SLC4A10: variants seen among roughly 807,000 people sequenced by gnomAD.
The protein encoded by SLC4A10 is sodium-driven chloride bicarbonate exchanger.
SLC4A10 carries 42 observed loss-of-function variants against 137.7 expected under a neutral mutation model. The observed-to-expected ratio is 0.30, with a 90% CI of 0.24 to 0.39. SLC4A10 has a LOEUF of 0.39. Among genes scored for constraint, SLC4A10 ranks in the 10% least tolerant of loss-of-function variants. SLC4A10 has a pLI of 1.00. For synonymous variants in SLC4A10, 474 were observed against 464.1 expected, an observed-to-expected ratio of 1.02 and a Z score of -0.27; for missense variants, 925 against 1,355.0, an observed-to-expected ratio of 0.68 and a Z score of 4.98.
At chr2:161,873,616 T>C (rs1268979016) in intron 7 of SLC4A10, among the ~76,000 whole-genome samples, 3 of 150,668 alleles carry the variant, frequency 2.0e-5, no homozygotes, top group South Asian at 2.1e-4. Context: ...TTAACAATTC[T>C]CTTTATCTGA....
chr2:161,888,478 G>T (rs62188802), intron 10 of SLC4A10, among the ~76,000 whole-genome samples: 2 of 152,182 alleles, frequency 1.3e-5, no homozygotes, highest in East Asian at 3.9e-4. Context: ...TCGAGCAGTG[G>T]TTTCTAGTTC....
chr2:161,905,480 GT>G (rs1684147262), intron 14 of SLC4A10, among the ~76,000 whole-genome samples, 161 bp from the exon 15 acceptor site: 1 of 152,208 alleles, frequency 6.6e-6, no homozygotes, highest in Non-Finnish European at 1.5e-5. Context: ...TGGACCAGGG[GT>G]TGGGGACCCC....
chr2:161,966,506 G>A (rs957343751), intron 23 of SLC4A10, among the ~76,000 whole-genome samples: 14 of 151,896 alleles, frequency 9.2e-5, no homozygotes, highest in Non-Finnish European at 2.1e-4. Flanking sequence ...AATGCTAGCA[G>A]TTTGGGAGGC....
chr2:161,971,344 G>A (rs1698496360), intron 23 of SLC4A10, among the ~76,000 whole-genome samples: 1 of 151,822 alleles, frequency 6.6e-6, no homozygotes, highest in Non-Finnish European at 1.5e-5. Context: ...TAATTAAAAG[G>A]TGGCATTTAA....
intron 1 of SLC4A10, among the ~76,000 whole-genome samples, chr2:161,641,248 TG>T (rs1310101125): frequency 6.6e-6 from 1 of 152,226 alleles, no homozygotes; most frequent in African/African-American, 2.4e-5. Flanking sequence ...ATGATTTTTA[TG>T]TACTTTCATT....
chr2:161,896,841 T>C (rs1225848920), intron 11 of SLC4A10, among the ~76,000 whole-genome samples: 1 of 152,096 alleles, frequency 6.6e-6, no homozygotes, highest in Non-Finnish European at 1.5e-5. Context: ...AACAGTGCCA[T>C]ATGCCTGGAA....
chr2:161,749,957 T>C (rs1475171405), intron 1 of SLC4A10, among the ~76,000 whole-genome samples: 1 of 151,814 alleles, frequency 6.6e-6, no homozygotes, highest in Non-Finnish European at 1.5e-5. Flanking sequence ...AAGCTTTTTA[T>C]TTCTTTTTGA....
intron 1 of SLC4A10, among the ~76,000 whole-genome samples, chr2:161,672,960 CAAAT>C: frequency 6.6e-6 from 1 of 152,260 alleles, no homozygotes. Flanking sequence ...TGTAGGTCAT[CAAAT>C]AAAGGTCAAA....
chr2:161,882,484 G>C (rs2061875786), intron 10 of SLC4A10, 40 bp downstream of exon 10: 3 of 1,397,368 alleles, frequency 2.1e-6, no homozygotes, highest in Non-Finnish European at 2.9e-6. Context: ...TCCCCCATTA[G>C]GTATACCTAA....
chr2:161,893,810 A>G (rs1040672301), intron 10 of SLC4A10, among the ~76,000 whole-genome samples: 11 of 152,014 alleles, frequency 7.2e-5, no homozygotes, highest in Admixed American at 5.3e-4. Flanking sequence ...TAGCATATAC[A>G]TTGTATAGAT....
chr2:161,787,114 A>G (rs1291575617), intron 2 of SLC4A10, among the ~76,000 whole-genome samples: 1 of 152,002 alleles, frequency 6.6e-6, no homozygotes, highest in Non-Finnish European at 1.5e-5. Flanking sequence ...CACCAGTCTC[A>G]TGGTGATGAA....
intron 3 of SLC4A10, among the ~76,000 whole-genome samples, chr2:161,821,564 G>C (rs1191891142): frequency 6.6e-6 from 1 of 152,114 alleles, no homozygotes; most frequent in Non-Finnish European, 1.5e-5. Context: ...AGGAGTTCAG[G>C]GTTACAGTGA....
At chr2:161,828,575 A>G (rs1465468208) in intron 3 of SLC4A10, among the ~76,000 whole-genome samples, 3 of 146,982 alleles carry the variant, frequency 2.0e-5, no homozygotes, top group African/African-American at 7.4e-5. Flanking sequence ...TATTTACCAT[A>G]TATTATATAT....
At chr2:161,758,168 A>T (rs2125341395) in intron 1 of SLC4A10, among the ~76,000 whole-genome samples, 1 of 152,066 alleles carries the variant, frequency 6.6e-6, no homozygotes, top group Admixed American at 6.5e-5. Flanking sequence ...TTAGTAAATT[A>T]CATGTATACT....
intron 4 of SLC4A10, among the ~76,000 whole-genome samples, chr2:161,846,360 A>G (rs1217621848): frequency 1.3e-5 from 2 of 152,180 alleles, no homozygotes; most frequent in Non-Finnish European, 2.9e-5. Flanking sequence ...TAGATCTTTC[A>G]TACATTGCTG....
intron 21 of SLC4A10, among the ~76,000 whole-genome samples, chr2:161,960,586 G>T (rs1227393706): frequency 5.3e-5 from 8 of 151,690 alleles, no homozygotes; most frequent in Non-Finnish European, 1.0e-4. Flanking sequence ...CGGGTGTGGT[G>T]GTGCATGCCT....
chr2:161,641,107 A>T (rs1370586190), intron 1 of SLC4A10, among the ~76,000 whole-genome samples: 2 of 151,940 alleles, frequency 1.3e-5, no homozygotes, highest in Non-Finnish European at 2.9e-5. Flanking sequence ...ATTTTTTTTT[A>T]ATTTTTAAGA....
chr2:161,740,590 A>C (rs1306684709), intron 1 of SLC4A10, among the ~76,000 whole-genome samples: 1 of 152,180 alleles, frequency 6.6e-6, no homozygotes, highest in Admixed American at 6.5e-5. Flanking sequence ...AGGAGTTGTT[A>C]CTGGGAGGTG....
chr2:161,676,970 A>T (rs2105825329), intron 1 of SLC4A10, among the ~76,000 whole-genome samples: 1 of 152,234 alleles, frequency 6.6e-6, no homozygotes, highest in South Asian at 2.1e-4. Context: ...ACAAATTAAG[A>T]TATATATAAT....
Sources: gnomAD v4.1 joint callset for allele counts (sites outside exome capture counted in the v4.1 genomes callset) on GRCh38, gnomAD v4.1.1 for gene constraint, MANE v1.5 for transcripts, NCBI Gene and HGNC (gene_info 2026-07-23, HGNC 2026-07-21) for gene names.